The following IRF2 variants were observed in gnomAD, a reference collection of about 807,000 sequenced individuals.
The protein encoded by IRF2 is interferon regulatory factor 2.
A neutral mutation model predicts 40.6 loss-of-function variants in IRF2; 15 were observed. The observed-to-expected ratio is 0.37, with a 90% CI of 0.25 to 0.57. The LOEUF (loss-of-function observed/expected upper bound fraction) is 0.57, where lower values mean the gene tolerates loss of function less well. Ranked by LOEUF, IRF2 falls within the 20% of genes least tolerant of loss-of-function variation. The pLI is 0.77. For synonymous variants in IRF2, 151 were observed against 165.5 expected, an observed-to-expected ratio of 0.91 and a Z score of 0.67; for missense variants, 317 against 455.7, an observed-to-expected ratio of 0.70 and a Z score of 2.77.
At chr4:184,399,798 G>A (rs934705246) in intron 6 of IRF2, among the ~76,000 whole-genome samples, 3 of 152,108 alleles carry the variant, frequency 2.0e-5, no homozygotes, top group African/African-American at 7.2e-5. Context: ...TCAGCTCCCC[G>A]GAACACTGAT....
At chr4:184,460,667 A>ATG (rs1739106850) in intron 1 of IRF2, among the ~76,000 whole-genome samples, 1 of 146,164 alleles carries the variant, frequency 6.8e-6, no homozygotes, top group South Asian at 2.1e-4. Context: ...ATGCACGCGC[A>ATG]CACACACACA....
intron 1 of IRF2, among the ~76,000 whole-genome samples, chr4:184,454,916 A>G (rs557569093): frequency 6.6e-6 from 1 of 152,294 alleles, no homozygotes; most frequent in South Asian, 2.1e-4. Context: ...AGACTTCCCC[A>G]AAGAAATTCC....
intron 1 of IRF2, among the ~76,000 whole-genome samples, chr4:184,462,501 C>T (rs889658803): frequency 2.0e-5 from 3 of 152,148 alleles, no homozygotes; most frequent in African/African-American, 4.8e-5. Flanking sequence ...AGAATTTCAT[C>T]GCCTAGATGT....
chr4:184,447,162 C>T (rs78251887), intron 1 of IRF2, among the ~76,000 whole-genome samples: 3,955 of 151,918 alleles, frequency 0.026, 219 homozygotes, highest in African/African-American at 0.091. Context: ...AGAGCTGGGG[C>T]AGGGAAAGCA....
intron 6 of IRF2, among the ~76,000 whole-genome samples, chr4:184,405,464 C>T (rs1736821618): frequency 6.6e-6 from 1 of 152,148 alleles, no homozygotes; most frequent in Non-Finnish European, 1.5e-5. Flanking sequence ...TATGAGCAGC[C>T]ACAGGGAGCT....
chr4:184,399,312 T>C (rs1736584121), intron 6 of IRF2, among the ~76,000 whole-genome samples: 1 of 152,180 alleles, frequency 6.6e-6, no homozygotes, highest in Non-Finnish European at 1.5e-5. Flanking sequence ...TGCCTGCCAA[T>C]GGCACGCACG....
chr4:184,468,744 G>T (rs957505399), intron 1 of IRF2, among the ~76,000 whole-genome samples: 1 of 152,332 alleles, frequency 6.6e-6, no homozygotes, highest in East Asian at 1.9e-4. Flanking sequence ...GGGGAGCAGG[G>T]ATCCAATGGT....
intron 1 of IRF2, among the ~76,000 whole-genome samples, chr4:184,461,522 A>C (rs1477978213): frequency 6.6e-6 from 1 of 152,198 alleles, no homozygotes; most frequent in South Asian, 2.1e-4. Context: ...AGGAATGCAG[A>C]CCATCTACCT....
chr4:184,407,161 A>T (rs1249845591), intron 6 of IRF2: 1 of 1,282,832 alleles, frequency 7.8e-7, no homozygotes, highest in East Asian at 5.6e-5. Flanking sequence ...GTTTAAATAC[A>T]AAAAAAGCAC....
At chr4:184,420,933 C>T (rs1737460522) in intron 2 of IRF2, among the ~76,000 whole-genome samples, 1 of 152,248 alleles carries the variant, frequency 6.6e-6, no homozygotes, top group Non-Finnish European at 1.5e-5. Context: ...TAATCACCCA[C>T]TCATTGTCTC....
At chr4:184,401,424 G>A (rs1376605514) in intron 6 of IRF2, among the ~76,000 whole-genome samples, 2 of 152,192 alleles carry the variant, frequency 1.3e-5, no homozygotes, top group Admixed American at 6.5e-5. Context: ...ACAGCATACA[G>A]AATGGAAGGG....
At chr4:184,446,279 G>C (rs1357068926) in intron 1 of IRF2, among the ~76,000 whole-genome samples, 1 of 152,214 alleles carries the variant, frequency 6.6e-6, no homozygotes, top group African/African-American at 2.4e-5. Context: ...TAGACACTAG[G>C]GGTAGAGGGG....
chr4:184,415,223 A>C (rs1319627166), intron 5 of IRF2, among the ~76,000 whole-genome samples: 2 of 152,242 alleles, frequency 1.3e-5, no homozygotes, highest in Non-Finnish European at 2.9e-5. Flanking sequence ...GGCCTAATGA[A>C]TCACCTGCCT....
chr4:184,390,588 CAA>C (rs1579784719), intron 8 of IRF2, 113 bp downstream of exon 8: 2 of 993,422 alleles, frequency 2.0e-6, no homozygotes, highest in Non-Finnish European at 3.1e-6. Flanking sequence ...AAGAAAATCC[CAA>C]AGTGAAGCTT....
At chr4:184,412,512 A>G (rs1158875624) in intron 5 of IRF2, among the ~76,000 whole-genome samples, 1 of 152,018 alleles carries the variant, frequency 6.6e-6, no homozygotes, top group Admixed American at 6.6e-5. Context: ...CTTTGAAGCC[A>G]GATTTAAGGA....
chr4:184,409,753 G>T (rs1284259843), intron 5 of IRF2, among the ~76,000 whole-genome samples: 1 of 152,102 alleles, frequency 6.6e-6, no homozygotes. Flanking sequence ...CATTAGCCGG[G>T]TGTGGTGGTG....
chr4:184,419,571 G>T lies in IRF2; in HGVS notation c.88-3C>A, dbSNP rs1182027900. 3.9e-4 allele frequency: 359 copies of T among 912,674 alleles called. No homozygotes were observed. Among genetic ancestry groups the T allele is most frequent in the Non-Finnish European group, 5.0e-4 (309 of 620,174 alleles). The allele number at this position is 912,674 out of a possible 1,614,324, so 56.5% of individuals were successfully genotyped here. ...GGGATCTGAAAAATCTTCTTTTCCT[G>T]AAAAAAAAAAAAAAAAAAAAGGTAA... On this transcript the variant is annotated splice_polypyrimidine_tract_variant and splice_region_variant and intron_variant, in intron 2 of 8. Coordinates refer to ENST00000393593, the MANE Select transcript of IRF2 (RefSeq NM_002199.4).
chr4:184,432,425 G>C (rs944698602), intron 1 of IRF2, among the ~76,000 whole-genome samples: 2 of 152,196 alleles, frequency 1.3e-5, no homozygotes, highest in Non-Finnish European at 2.9e-5. Flanking sequence ...TGTTTAAAAT[G>C]GCCCCCAGGC....
intron 5 of IRF2, among the ~76,000 whole-genome samples, chr4:184,412,549 C>G (rs1314865902): frequency 1.3e-5 from 2 of 152,208 alleles, no homozygotes; most frequent in African/African-American, 2.4e-5. Flanking sequence ...ATCTCTAAGT[C>G]TCTGCTAACA....
Sources: gnomAD v4.1 joint callset for allele counts (sites outside exome capture counted in the v4.1 genomes callset) on GRCh38, gnomAD v4.1.1 for gene constraint, MANE v1.5 for transcripts, NCBI Gene and HGNC (gene_info 2026-07-23, HGNC 2026-07-21) for gene names.